The following DNAI3 variants were observed in gnomAD, a reference collection of about 807,000 sequenced individuals.
The protein encoded by DNAI3 is dynein axonemal intermediate chain 3, also known as WD repeat domain 63.
DNAI3 carries 83 observed loss-of-function variants against 115.5 expected under a neutral mutation model. That is an observed-to-expected ratio of 0.72 (90% CI 0.60 to 0.86). The LOEUF is 0.86. Ranked by LOEUF, DNAI3 falls within the 40% of genes least tolerant of loss-of-function variation. DNAI3 has a pLI of 0.00. For synonymous variants in DNAI3, 320 were observed against 347.0 expected (o/e 0.92, Z 0.86); for missense variants, 1,004 against 1,075.8 (o/e 0.93, Z 0.93).
At chr1:85,071,531 T>C (rs1001436069) in intron 1 of DNAI3, among the ~76,000 whole-genome samples, 1 of 152,240 alleles carries the variant, frequency 6.6e-6, no homozygotes, top group African/African-American at 2.4e-5. Context: ...CAGTGGCCTA[T>C]CTTGTCTTTG....
intron 1 of DNAI3, among the ~76,000 whole-genome samples, chr1:85,070,405 G>T (rs1459194205): frequency 6.6e-6 from 1 of 152,154 alleles, no homozygotes; most frequent in African/African-American, 2.4e-5. Context: ...GGCTATTGGA[G>T]CCAGGCTGCT....
intron 7 of DNAI3, among the ~76,000 whole-genome samples, chr1:85,089,362 C>T (rs1360100075): frequency 6.6e-6 from 1 of 150,380 alleles, no homozygotes; most frequent in East Asian, 2.0e-4. Flanking sequence ...GTGACTTTTC[C>T]AAGCTCTACA....
At chr1:85,107,188 C>T (rs896501337) in intron 14 of DNAI3, among the ~76,000 whole-genome samples, 2 of 152,112 alleles carry the variant, frequency 1.3e-5, no homozygotes, top group African/African-American at 4.8e-5. Flanking sequence ...GGCAGTTCCT[C>T]AAAAGATTAA....
chr1:85,092,641 A>G (rs1655012155), intron 8 of DNAI3, among the ~76,000 whole-genome samples: 1 of 152,140 alleles, frequency 6.6e-6, no homozygotes, highest in Non-Finnish European at 1.5e-5. Context: ...CTATTAGCAA[A>G]TGATCCTAGC....
At chr1:85,091,934 C>T (rs751891678) in intron 8 of DNAI3, among the ~76,000 whole-genome samples, 12 of 152,184 alleles carry the variant, frequency 7.9e-5, no homozygotes, top group Admixed American at 2.0e-4. Flanking sequence ...GCGGAAGCCA[C>T]GTCTTTAACT....
chr1:85,109,659 G>T (rs545912564), intron 15 of DNAI3, among the ~76,000 whole-genome samples: 2 of 152,330 alleles, frequency 1.3e-5, no homozygotes, highest in South Asian at 2.1e-4. Context: ...CCAAGCAGAT[G>T]CAAGGTCCCT....
intron 9 of DNAI3, chr1:85,094,129 C>A (rs753065314): frequency 4.7e-6 from 2 of 427,578 alleles, no homozygotes; most frequent in Non-Finnish European, 8.6e-6. Flanking sequence ...TTTCACCCTA[C>A]ACTGGCCCTT....
chr1:85,072,972 A>AG (rs375737203), intron 2 of DNAI3, 82 bp from the exon 3 acceptor site: 169,407 of 501,504 alleles, frequency 0.34, 20,386 homozygotes, highest in Non-Finnish European at 0.36. Flanking sequence ...AAAAAAAAAA[A>AG]AAGAAGAAAT....
intron 21 of DNAI3, 122 bp from the exon 22 acceptor site, chr1:85,129,868 T>A: frequency 4.7e-6 from 5 of 1,072,130 alleles, no homozygotes; most frequent in Non-Finnish European, 5.3e-6. Context: ...TCAAGTAGAT[T>A]AGGGAGGTAG....
chr1:85,100,844 A>G (rs1320491220), intron 13 of DNAI3, among the ~76,000 whole-genome samples: 2 of 152,138 alleles, frequency 1.3e-5, no homozygotes, highest in Non-Finnish European at 2.9e-5. Context: ...GAAACTGGAA[A>G]CCATCGTTCT....
chr1:85,117,792 A>T lies in DNAI3; in HGVS notation c.1850A>T (p.Glu617Val). The T allele has an allele frequency of 1.2e-6, 2 of 1,613,978 alleles. No individual in the cohort carries two copies. Among genetic ancestry groups the T allele is most frequent in the South Asian group, 2.2e-5 (2 of 91,074 alleles). Residue 617 changes from glutamate to valine, a missense_variant, in exon 17 of 23, where the codon GAA (glutamate) becomes GTA (valine). Physicochemically the swap from Glu to Val is moderately radical, Grantham distance 121 (BLOSUM62 -2). Around this residue, in one of 3 missense-constraint regions of DNAI3, gnomAD observed 429 missense variants for 454.3 expected, o/e 0.94. Transcript: ENST00000294664. ...GAAATGAACCCGTATCATAATCTGGAAAGTGGGATGGCCAATCTTCTCAAG... is the reference window on the plus strand; with the variant it reads ...GAAATGAACCCGTATCATAATCTGGTAAGTGGGATGGCCAATCTTCTCAAG... ...AEEMNPYHNL[E>V]SGMANLLKPI...
intron 11 of DNAI3, among the ~76,000 whole-genome samples, chr1:85,096,642 A>G (rs1312813801): frequency 2.0e-5 from 3 of 152,024 alleles, no homozygotes; most frequent in East Asian, 1.9e-4. Context: ...CAAAACAATC[A>G]TAAAGCTGTT....
intron 13 of DNAI3, among the ~76,000 whole-genome samples, chr1:85,104,138 T>TGGGGG (rs780490360): frequency 4.9e-5 from 7 of 142,486 alleles, no homozygotes; most frequent in African/African-American, 1.8e-4. Context: ...TTTTTTTTTT[T>TGGGGG]GGGCTGGAGT....
chr1:85,081,505 T>C, intron 4 of DNAI3, 90 bp downstream of exon 4: 1 of 1,276,378 alleles, frequency 7.8e-7, no homozygotes, highest in Non-Finnish European at 1.0e-6. Flanking sequence ...TTGGTTCAAA[T>C]CTGGCCCCAT....
At chr1:85,110,008 G>T in intron 15 of DNAI3, 40 bp from the exon 16 acceptor site, 1 of 1,573,528 alleles carries the variant, frequency 6.4e-7, no homozygotes, top group Non-Finnish European at 8.7e-7. Flanking sequence ...ATAATTTCAG[G>T]ATATGTGGAA....
Position 85,073,039 on chromosome 1 carries a change from T to C in DNAI3, c.65-15T>C. On this transcript the variant is annotated splice_polypyrimidine_tract_variant and intron_variant, in intron 2 of 22. Coordinates refer to ENST00000294664, the MANE Select transcript of DNAI3 (RefSeq NM_145172.5). ...TTCAAAAATGTAAATTTGACTTCCT[T>C]TTATTATATTCTAGCTAGTGAAGAC... 1.3e-6 allele frequency: 2 copies of C among 1,498,974 alleles called. No individual in the cohort carries two copies. Among genetic ancestry groups the C allele is most frequent in the Non-Finnish European group, 1.8e-6 (2 of 1,114,702 alleles). 92.9% of individuals were successfully genotyped at this position (1,498,974 alleles called of 1,614,324 possible).
chr1:85,077,392 G>A (rs1308722995), intron 3 of DNAI3, among the ~76,000 whole-genome samples: 1 of 152,146 alleles, frequency 6.6e-6, no homozygotes, highest in African/African-American at 2.4e-5. Context: ...TGACCTTGGA[G>A]TTGGCAAAGA....
At chr1:85,121,241 G>T (rs1272045709) in intron 17 of DNAI3, among the ~76,000 whole-genome samples, 4 of 152,168 alleles carry the variant, frequency 2.6e-5, no homozygotes, top group Non-Finnish European at 5.9e-5. Flanking sequence ...CCATAAGACA[G>T]AATAAGAATA....
intron 13 of DNAI3, among the ~76,000 whole-genome samples, chr1:85,100,928 A>G (rs1246660110): frequency 1.3e-5 from 2 of 150,350 alleles, no homozygotes; most frequent in Non-Finnish European, 3.0e-5. Flanking sequence ...AACAATGAGA[A>G]CACATGGACA....
Sources: gnomAD v4.1 joint callset for allele counts (sites outside exome capture counted in the v4.1 genomes callset) on GRCh38, gnomAD v4.1.1 for gene constraint, gnomAD v4.1.1 regional missense constraint, MANE v1.5 for transcripts, NCBI Gene and HGNC (gene_info 2026-07-23, HGNC 2026-07-21) for gene names.